The following CSGALNACT1 variants were observed in gnomAD, a reference collection of about 807,000 sequenced individuals.
The protein encoded by CSGALNACT1 is chondroitin sulfate N-acetylgalactosaminyltransferase 1, also known as beta4GalNAcT-1.
Under a neutral mutation model 51.0 loss-of-function variants are expected in CSGALNACT1, and 52 were observed. The observed-to-expected ratio is 1.02, with a 90% CI of 0.82 to 1.29. The LOEUF (loss-of-function observed/expected upper bound fraction) is 1.29, where lower values mean the gene tolerates loss of function less well. Among genes scored for constraint, CSGALNACT1 ranks in the 50% most tolerant of loss-of-function variants. The pLI is 0.00. For synonymous variants in CSGALNACT1, 341 were observed against 254.4 expected, an observed-to-expected ratio of 1.34 and a Z score of -3.24; for missense variants, 935 against 679.2, an observed-to-expected ratio of 1.38 and a Z score of -4.19.
chr8:19,424,508 A>G (rs6586829), intron 6 of CSGALNACT1, among the ~76,000 whole-genome samples: 43,624 of 152,028 alleles, frequency 0.29, 6,585 homozygotes, highest in Middle Eastern at 0.37. Flanking sequence ...ATGAAAAAAA[A>G]TCAAGACAAC....
At chr8:19,589,705 C>T (rs2047398116) in intron 3 of CSGALNACT1, among the ~76,000 whole-genome samples, 1 of 152,132 alleles carries the variant, frequency 6.6e-6, no homozygotes, top group Admixed American at 6.5e-5. Context: ...CTCATTTCTA[C>T]TAGGATTTAG....
At chr8:19,583,269 C>T (rs1029168331) in intron 3 of CSGALNACT1, among the ~76,000 whole-genome samples, 2 of 152,100 alleles carry the variant, frequency 1.3e-5, no homozygotes, top group Non-Finnish European at 2.9e-5. Context: ...TTATAATTGT[C>T]CATGTATTTA....
chr8:19,663,459 T>C (rs2058933399), intron 1 of CSGALNACT1, among the ~76,000 whole-genome samples: 1 of 152,218 alleles, frequency 6.6e-6, no homozygotes, highest in African/African-American at 2.4e-5. Flanking sequence ...AGTCAATGAC[T>C]AACATCCCAA....
chr8:19,683,587 T>C (rs975713585), upstream of CSGALNACT1, among the ~76,000 whole-genome samples: 1 of 151,920 alleles, frequency 6.6e-6, no homozygotes, highest in Non-Finnish European at 1.5e-5. Context: ...CATTAAAAAT[T>C]TGCCAAAAAC....
chr8:19,428,613 G>T (rs535628708), intron 6 of CSGALNACT1, among the ~76,000 whole-genome samples: 1 of 152,262 alleles, frequency 6.6e-6, no homozygotes, highest in East Asian at 1.9e-4. Context: ...CAAAAAGCCT[G>T]GGTAAGCTGC....
intron 3 of CSGALNACT1, among the ~76,000 whole-genome samples, chr8:19,533,529 C>T (rs1037003297): frequency 1.2e-4 from 18 of 152,266 alleles, no homozygotes; most frequent in African/African-American, 4.3e-4. Context: ...AGATTTTCTT[C>T]GCTAGTGTAC....
At chr8:19,444,731 C>T (rs1038113342) in intron 5 of CSGALNACT1, among the ~76,000 whole-genome samples, 4 of 152,170 alleles carry the variant, frequency 2.6e-5, no homozygotes, top group Non-Finnish European at 4.4e-5. Flanking sequence ...ATAGAAGACA[C>T]GGTTCTTGCC....
Position 19,524,204 on chromosome 8 carries a change from C to T in CSGALNACT1, c.-296-18074G>A, listed in dbSNP as rs376439066. ...CCTTGGAAGGATGAGGCAGGAGGAT[C>T]GCTTGAGCCCAGGAGTTCAATGCTA... On this transcript the variant is annotated intron_variant, in intron 3 of 9. Transcript: ENST00000454498. Among the ~76,000 whole-genome samples the T allele has an allele frequency of 2.8e-4, 42 of 152,140 alleles. No individual in the cohort carries two copies. The South Asian group carries it at 4.4e-3, about 16-fold the overall frequency.
At chr8:19,551,739 CT>C (rs2088165850) in intron 3 of CSGALNACT1, among the ~76,000 whole-genome samples, 1 of 147,410 alleles carries the variant, frequency 6.8e-6, no homozygotes, top group African/African-American at 2.5e-5. Flanking sequence ...CAACAATTTG[CT>C]TGCCATCTCC....
At chr8:19,737,706 G>A (rs1007958072) in intron 1 of CSGALNACT1, among the ~76,000 whole-genome samples, 1 of 152,172 alleles carries the variant, frequency 6.6e-6, no homozygotes, top group African/African-American at 2.4e-5. Flanking sequence ...CACAATAAAT[G>A]TAAATGTACT....
At chr8:19,657,880 G>C (rs1420072926) in intron 1 of CSGALNACT1, among the ~76,000 whole-genome samples, 2 of 152,068 alleles carry the variant, frequency 1.3e-5, no homozygotes, top group Non-Finnish European at 2.9e-5. Flanking sequence ...GGGCACCCCC[G>C]ATGGGGTTTC....
At chr8:19,719,479 T>C (rs2062994798) in intron 1 of CSGALNACT1, among the ~76,000 whole-genome samples, 1 of 152,164 alleles carries the variant, frequency 6.6e-6, no homozygotes, top group Non-Finnish European at 1.5e-5. Context: ...CCTGGGTACA[T>C]TAAACATCAC....
At chr8:19,658,507 G>A (rs1409691276) in intron 1 of CSGALNACT1, among the ~76,000 whole-genome samples, 1 of 152,204 alleles carries the variant, frequency 6.6e-6, no homozygotes, top group African/African-American at 2.4e-5. Flanking sequence ...GCCAAGGCAG[G>A]TGGATCACCT....
At chr8:19,651,706 A>G (rs996948410) in intron 1 of CSGALNACT1, among the ~76,000 whole-genome samples, 4 of 152,132 alleles carry the variant, frequency 2.6e-5, no homozygotes, top group Non-Finnish European at 4.4e-5. Flanking sequence ...GCTATTGTGA[A>G]TAGTGCTGCA....
chr8:19,474,869 GAAAA>G (rs10683237), intron 4 of CSGALNACT1, among the ~76,000 whole-genome samples: 872 of 86,166 alleles, frequency 0.01, 12 homozygotes, highest in African/African-American at 0.032. Context: ...CTCTGTCTCA[GAAAA>G]AAAAAAAAAA....
At chr8:19,432,854 T>A (rs144262843) in intron 6 of CSGALNACT1, among the ~76,000 whole-genome samples, 1 of 152,178 alleles carries the variant, frequency 6.6e-6, no homozygotes, top group Non-Finnish European at 1.5e-5. Flanking sequence ...GTTCTTTAAA[T>A]GTGTTTTTAC....
At chr8:19,672,657 A>C (rs973851472) in intron 1 of CSGALNACT1, among the ~76,000 whole-genome samples, 2 of 152,216 alleles carry the variant, frequency 1.3e-5, no homozygotes, top group Non-Finnish European at 2.9e-5. Flanking sequence ...TACACTGGTA[A>C]CATAAATGAA....
chr8:19,461,609 C>T (rs2065418428), intron 4 of CSGALNACT1, among the ~76,000 whole-genome samples: 1 of 138,242 alleles, frequency 7.2e-6, no homozygotes, highest in Middle Eastern at 4.1e-3. Context: ...ACAGCGGCCA[C>T]ATTCACCATG....
At chr8:19,588,989 TG>T (rs1291040708) in intron 3 of CSGALNACT1, among the ~76,000 whole-genome samples, 1 of 152,236 alleles carries the variant, frequency 6.6e-6, no homozygotes, top group African/African-American at 2.4e-5. Context: ...AATCACTGAG[TG>T]GGCCCAGGAA....
Sources: allele counts gnomAD v4.1 joint callset (sites outside exome capture counted in the v4.1 genomes callset), GRCh38; gene constraint gnomAD v4.1.1; transcripts MANE v1.5; gene names NCBI Gene and HGNC (gene_info 2026-07-23, HGNC 2026-07-21).